The following PCYT1B variants were observed in gnomAD, a reference collection of about 807,000 sequenced individuals.
The protein encoded by PCYT1B is phosphate cytidylyltransferase 1B, choline.
A neutral mutation model predicts 26.4 loss-of-function variants in PCYT1B; 10 were observed. The ratio of observed to expected loss-of-function variants is 0.38; its 90% CI spans 0.23 to 0.64. PCYT1B has a LOEUF of 0.64. Ranked by LOEUF, PCYT1B falls within the 30% of genes least tolerant of loss-of-function variation. The pLI is 0.56. For synonymous variants in PCYT1B, 131 were observed against 108.4 expected, an observed-to-expected ratio of 1.21 and a Z score of -1.29; for missense variants, 161 against 292.7, an observed-to-expected ratio of 0.55 and a Z score of 3.28.
chrX:24,630,823 G>A (rs1392705858), intron 1 of PCYT1B, among the ~76,000 whole-genome samples: 1 of 112,216 alleles, frequency 8.9e-6, no homozygotes, highest in African/African-American at 3.2e-5. Flanking sequence ...AATTCCTCCC[G>A]TGGTGCCACC....
Position 24,561,352 on chromosome X carries a change from T to C in PCYT1B, c.*941A>G, listed in dbSNP as rs1290959576. 3 of 111,914 alleles carry C rather than the reference T, an allele frequency of 2.7e-5. No homozygotes were observed. In the Admixed American group the frequency reaches 2.9e-4, roughly 11 times the overall value. 9.2% of individuals were successfully genotyped at this position (111,914 alleles called of 1,213,427 possible). The stretch of plus-strand genomic sequence containing the variant: ...ACGTGCAGGTAGCACCCCCTATTGG[T>C]ATACTATGTTTGATACCTCAAACTG... On this transcript the variant is annotated 3_prime_UTR_variant, in exon 8 of 8. Coordinates refer to ENST00000379144, the MANE Select transcript of PCYT1B (RefSeq NM_004845.5).
chrX:24,590,242 G>T, intron 3 of PCYT1B, 68 bp from the exon 4 acceptor site: 6 of 982,041 alleles, frequency 6.1e-6, no homozygotes, highest in Non-Finnish European at 7.0e-6. Context: ...CCCTGGTTCA[G>T]ACAAGGCTTC....
At chrX:24,637,940 A>G (rs1000302021) in intron 1 of PCYT1B, among the ~76,000 whole-genome samples, 2 of 110,100 alleles carry the variant, frequency 1.8e-5, no homozygotes, top group African/African-American at 6.6e-5. Context: ...TGGAGGTACA[A>G]TAGAATTTAT....
chrX:24,582,315 A>G (rs1409930258), intron 5 of PCYT1B, among the ~76,000 whole-genome samples: 1 of 112,519 alleles, frequency 8.9e-6, no homozygotes, highest in Non-Finnish European at 1.9e-5. Flanking sequence ...CTTTGAAGCC[A>G]GAAGGTGAAG....
At chrX:24,588,026 T>C (rs1259591904) in intron 4 of PCYT1B, among the ~76,000 whole-genome samples, 1 of 112,600 alleles carries the variant, frequency 8.9e-6, no homozygotes, top group African/African-American at 3.2e-5. Flanking sequence ...ATTTAATTCA[T>C]CTTCCTGAAA....
intron 1 of PCYT1B, among the ~76,000 whole-genome samples, chrX:24,671,341 GAATC>G (rs370090148): frequency 1.4e-4 from 14 of 102,959 alleles, no homozygotes; most frequent in African/African-American, 4.7e-4. Flanking sequence ...ATGAATGAAT[GAATC>G]AATCAATCAA....
intron 3 of PCYT1B, among the ~76,000 whole-genome samples, chrX:24,596,004 T>C (rs1326032576): frequency 8.9e-6 from 1 of 112,416 alleles, no homozygotes; most frequent in Non-Finnish European, 1.9e-5. Context: ...GGAGTAATCT[T>C]TATGTCTTCT....
rs772033971 is a variant in PCYT1B, at chrX:24,579,433, T to C, written c.591A>G (p.Thr197=). 18 of 1,210,565 alleles carry C rather than the reference T, an allele frequency of 1.5e-5. No individual in the cohort carries two copies. Among genetic ancestry groups the C allele is most frequent in the Non-Finnish European group, 2.0e-5 (18 of 894,438 alleles). The change falls in exon 6 of 8, where the codon ACA becomes ACG. Residue 197 remains threonine (T), a synonymous_variant. Transcript: ENST00000379144. ...TGATGTCCGATGTTGAGATGCCTTCTGTTCTCTGCGTTGGAACGAACATCC... is the reference window on the plus strand; with the variant it reads ...TGATGTCCGATGTTGAGATGCCTTCCGTTCTCTGCGTTGGAACGAACATCC... ...EAGMFVPTQR[T]EGISTSDIIT...
At chrX:24,660,139 A>G (rs1926999177) in intron 1 of PCYT1B, among the ~76,000 whole-genome samples, 1 of 111,536 alleles carries the variant, frequency 9.0e-6, no homozygotes, top group South Asian at 3.8e-4. Context: ...ACAAAAAAAA[A>G]GTTCAGAACC....
intron 1 of PCYT1B, among the ~76,000 whole-genome samples, chrX:24,626,931 A>G (rs938771298): frequency 2.7e-4 from 30 of 112,232 alleles, no homozygotes; most frequent in African/African-American, 9.4e-4. Context: ...AACAAAAAAG[A>G]ACATAAAACA....
chrX:24,602,267 CTAATTA>C (rs1273311241), intron 3 of PCYT1B, among the ~76,000 whole-genome samples: 1 of 111,761 alleles, frequency 8.9e-6, no homozygotes, highest in East Asian at 2.8e-4. Flanking sequence ...CTGTATAATT[CTAATTA>C]TATGATGTTC....
At chrX:24,600,613 C>A (rs754427923) in intron 3 of PCYT1B, among the ~76,000 whole-genome samples, 1 of 110,638 alleles carries the variant, frequency 9.0e-6, no homozygotes, top group South Asian at 3.8e-4. Flanking sequence ...CAGAGCAAAA[C>A]CCTGTCTCTT....
intron 3 of PCYT1B, among the ~76,000 whole-genome samples, chrX:24,590,622 G>T (rs1377057384): frequency 9.1e-6 from 1 of 110,403 alleles, no homozygotes; most frequent in Non-Finnish European, 1.9e-5. Context: ...CTAGATTATT[G>T]TACTTTGTAA....
intron 3 of PCYT1B, among the ~76,000 whole-genome samples, chrX:24,602,641 C>T (rs1056343070): frequency 3.1e-4 from 34 of 110,713 alleles, no homozygotes; most frequent in Admixed American, 1.2e-3. Flanking sequence ...TACAAGGATT[C>T]GCTGTACTTT....
At chrX:24,635,606 T>C (rs909330209) in intron 1 of PCYT1B, among the ~76,000 whole-genome samples, 2 of 112,025 alleles carry the variant, frequency 1.8e-5, no homozygotes, top group Non-Finnish European at 3.8e-5. Flanking sequence ...ACAAGAAAAC[T>C]GTAACTACCA....
At chrX:24,669,822 G>A (rs954234054) in intron 1 of PCYT1B, among the ~76,000 whole-genome samples, 3 of 108,063 alleles carry the variant, frequency 2.8e-5, no homozygotes, top group African/African-American at 3.4e-5. Context: ...TGGAAGGATC[G>A]CTTGAGGCCA....
chrX:24,633,453 C>T (rs1926171603), intron 1 of PCYT1B, among the ~76,000 whole-genome samples: 1 of 109,996 alleles, frequency 9.1e-6, no homozygotes, highest in South Asian at 3.9e-4. Context: ...GAGGGCAGGC[C>T]ACTTGAGGTC....
chrX:24,594,502 C>T (rs1217297631), intron 3 of PCYT1B, among the ~76,000 whole-genome samples: 5 of 111,407 alleles, frequency 4.5e-5, no homozygotes, highest in Non-Finnish European at 7.5e-5. Context: ...CCACATCCTC[C>T]CCCTTTCTGA....
At chrX:24,595,659 C>T (rs1924750444) in intron 3 of PCYT1B, among the ~76,000 whole-genome samples, 2 of 110,735 alleles carry the variant, frequency 1.8e-5, no homozygotes, top group Non-Finnish European at 1.9e-5. Context: ...GTGGGTGGAT[C>T]ATTTGAGGTC....
Sources: gnomAD v4.1 joint callset for allele counts (sites outside exome capture counted in the v4.1 genomes callset) on GRCh38, gnomAD v4.1.1 for gene constraint, MANE v1.5 for transcripts, NCBI Gene and HGNC (gene_info 2026-07-23, HGNC 2026-07-21) for gene names.